Variants in ZNF385D observed in about 807,000 individuals in gnomAD.
ZNF385D encodes zinc finger protein 385D.
A neutral mutation model predicts 35.8 loss-of-function variants in ZNF385D; 15 were observed. The observed-to-expected ratio is 0.42, with a 90% CI of 0.28 to 0.64. The LOEUF (loss-of-function observed/expected upper bound fraction) is 0.64. Ranked by LOEUF, ZNF385D falls within the 30% of genes least tolerant of loss-of-function variation. ZNF385D has a pLI of 0.23. For synonymous variants in ZNF385D, 212 were observed against 186.8 expected (o/e 1.13, Z -1.10); for missense variants, 474 against 494.6 (o/e 0.96, Z 0.39).
chr3:22,300,824 T>C (rs1178779514), intron 2 of ZNF385D, among the ~76,000 whole-genome samples: 1 of 151,980 alleles, frequency 6.6e-6, no homozygotes, highest in Non-Finnish European at 1.5e-5. Flanking sequence ...GGAATCCATG[T>C]GCAATTTTGA....
At chr3:22,193,947 A>AT (rs1012674556) in intron 2 of ZNF385D, among the ~76,000 whole-genome samples, 2 of 151,886 alleles carry the variant, frequency 1.3e-5, no homozygotes, top group Non-Finnish European at 2.9e-5. Flanking sequence ...TAGGTAGTGC[A>AT]TTTTTTCCTT....
intron 2 of ZNF385D, among the ~76,000 whole-genome samples, chr3:21,568,568 A>G (rs2063226770): frequency 6.6e-6 from 1 of 152,200 alleles, no homozygotes; most frequent in Non-Finnish European, 1.5e-5. Flanking sequence ...TAGGCAGGAA[A>G]AAAAGGGGTT....
chr3:22,226,309 A>C lies in ZNF385D; in HGVS notation c.107-57274T>G, dbSNP rs1439501585. On this transcript the variant is annotated intron_variant, in intron 2 of 5. Transcript: ENST00000494108. ...AACGCACTTGGATGCATGGGGCCTCAGCACGACAGACCAGTGGAATCTTAG... is the reference window on the plus strand; with the variant it reads ...AACGCACTTGGATGCATGGGGCCTCCGCACGACAGACCAGTGGAATCTTAG... Among the ~76,000 whole-genome samples the C allele has an allele frequency of 2.0e-5, 3 of 152,248 alleles. No individual in the cohort carries two copies. The East Asian group carries it at 5.8e-4, about 29-fold the overall frequency.
intron 2 of ZNF385D, among the ~76,000 whole-genome samples, chr3:22,357,304 TTGGTGG>T (rs1375041049): frequency 7.2e-5 from 11 of 151,962 alleles, no homozygotes; most frequent in African/African-American, 2.7e-4. Context: ...ATAGCTGTGG[TTGGTGG>T]TGGACAGGTT....
chr3:21,980,239 G>C lies in ZNF385D; in HGVS notation c.325+188578C>G, dbSNP rs146662179. Among the ~76,000 whole-genome samples, 299 of 152,206 alleles carry C rather than the reference G, an allele frequency of 2.0e-3. 1 individual carries two copies. Among genetic ancestry groups the C allele is most frequent in the African/African-American group, 6.7e-3 (278 of 41,544 alleles). Reference sequence around the variant, plus strand: ...AAGTAGATCCTCCAGCCCCAGTCAAGCTTTCAGTTAATTCAGCACTGTCCA... The same window carrying C: ...AAGTAGATCCTCCAGCCCCAGTCAACCTTTCAGTTAATTCAGCACTGTCCA... On this transcript the variant is annotated intron_variant, in intron 3 of 5. Coordinates refer to the ZNF385D transcript ENST00000494108.
At chr3:22,013,625 A>G (rs1696709010) in intron 3 of ZNF385D, among the ~76,000 whole-genome samples, 1 of 152,292 alleles carries the variant, frequency 6.6e-6, no homozygotes, top group Admixed American at 6.5e-5. Flanking sequence ...AGGATTAGGT[A>G]GAAACTTAAT....
intron 3 of ZNF385D, among the ~76,000 whole-genome samples, chr3:22,061,231 A>G (rs1370136159): frequency 1.3e-5 from 2 of 152,212 alleles, no homozygotes; most frequent in African/African-American, 4.8e-5. Context: ...AGTGAGCATA[A>G]AGTATGAAGA....
intron 2 of ZNF385D, among the ~76,000 whole-genome samples, chr3:21,635,359 A>G (rs897044110): frequency 2.0e-5 from 3 of 152,122 alleles, no homozygotes; most frequent in Non-Finnish European, 4.4e-5. Flanking sequence ...ATTAATATAT[A>G]TTAACTAATT....
intron 3 of ZNF385D, among the ~76,000 whole-genome samples, chr3:21,835,160 C>G (rs2670263): frequency 0.89 from 135,498 of 151,958 alleles, 60,665 homozygotes; most frequent in African/African-American, 0.96. Flanking sequence ...ACTAAAGGTA[C>G]TATCATATGT....
chr3:21,470,989 G>A (rs1703849423), intron 4 of ZNF385D, among the ~76,000 whole-genome samples: 1 of 151,888 alleles, frequency 6.6e-6, no homozygotes, highest in Admixed American at 6.6e-5. Flanking sequence ...ATACTTAAAG[G>A]GAATATAGAC....
rs774454233 is a variant in ZNF385D at position 22,315,969 on chromosome 3, G to A, written c.106+56481C>T. Among the ~76,000 whole-genome samples the A allele has an allele frequency of 2.6e-4, 39 of 152,136 alleles. 1 individual carries two copies. The highest frequency in any genetic ancestry group is 5.0e-4 in the Non-Finnish European group (34 of 68,016). ...TTACTGCTACAGTCATGTAGCCAGA[G>A]GTCACAAGATGTGTGACTTCCCAGT... On this transcript the variant is annotated intron_variant, in intron 2 of 5. Coordinates refer to the ZNF385D transcript ENST00000494108.
intron 2 of ZNF385D, among the ~76,000 whole-genome samples, chr3:22,344,711 T>G (rs1488783482): frequency 1.3e-5 from 2 of 152,164 alleles, no homozygotes; most frequent in Non-Finnish European, 2.9e-5. Context: ...CATGAGCCAC[T>G]GCACCAGGCT....
intron 3 of ZNF385D, among the ~76,000 whole-genome samples, chr3:21,855,398 T>G (rs966384820): frequency 2.6e-4 from 39 of 152,148 alleles, no homozygotes; most frequent in African/African-American, 8.9e-4. Flanking sequence ...AGAAGTTGCA[T>G]CTCTTCATGG....
chr3:22,113,834 A>G (rs1220100535), intron 3 of ZNF385D, among the ~76,000 whole-genome samples: 1 of 152,114 alleles, frequency 6.6e-6, no homozygotes, highest in African/African-American at 2.4e-5. Flanking sequence ...TCAAGATTGA[A>G]TACATCAATA....
intron 3 of ZNF385D, among the ~76,000 whole-genome samples, chr3:21,814,448 G>A (rs1252279402): frequency 6.6e-6 from 1 of 152,142 alleles, no homozygotes; most frequent in Non-Finnish European, 1.5e-5. Flanking sequence ...CATCTCATGT[G>A]CAGAGACACA....
chr3:21,888,160 T>C (rs1698648859), intron 3 of ZNF385D, among the ~76,000 whole-genome samples: 1 of 152,184 alleles, frequency 6.6e-6, no homozygotes, highest in Admixed American at 6.6e-5. Flanking sequence ...TTGCAAAATT[T>C]TGTATCAAGT....
At chr3:22,012,088 T>C (rs950870834) in intron 3 of ZNF385D, among the ~76,000 whole-genome samples, 5 of 152,154 alleles carry the variant, frequency 3.3e-5, no homozygotes, top group African/African-American at 7.2e-5. Flanking sequence ...TTGGGAACCA[T>C]AGGTAGGCTC....
chr3:22,203,354 A>G (rs1194161252), intron 2 of ZNF385D, among the ~76,000 whole-genome samples: 1 of 152,124 alleles, frequency 6.6e-6, no homozygotes, highest in Admixed American at 6.6e-5. Context: ...CCTGCTGATT[A>G]AAGAGTCCCT....
chr3:22,295,575 G>A (rs912898820), intron 2 of ZNF385D, among the ~76,000 whole-genome samples: 2 of 152,108 alleles, frequency 1.3e-5, no homozygotes, highest in African/African-American at 4.8e-5. Flanking sequence ...TAAACTTAAT[G>A]AAAAAAGTTT....
Sources: gnomAD v4.1 joint callset for allele counts (sites outside exome capture counted in the v4.1 genomes callset) on GRCh38, gnomAD v4.1.1 for gene constraint, MANE v1.5 for transcripts, NCBI Gene and HGNC (gene_info 2026-07-23, HGNC 2026-07-21) for gene names.